The following TMEM135 variants were observed in gnomAD, a reference collection of about 807,000 sequenced individuals.
TMEM135 encodes the protein peroxisomal membrane protein 52.
In TMEM135, 30 loss-of-function variants were observed where a neutral mutation model predicts 60.3. The ratio of observed to expected loss-of-function variants is 0.50; its 90% CI spans 0.37 to 0.68. The LOEUF is 0.68. Among genes scored for constraint, TMEM135 ranks in the 30% least tolerant of loss-of-function variants. The probability of loss-of-function intolerance (pLI) is 0.00; values close to 1 mark genes in which losing one functional copy is unlikely to be tolerated. For missense variants in TMEM135, 468 were observed against 548.8 expected (o/e 0.85, Z 1.47); for synonymous variants, 190 against 186.7 (o/e 1.02, Z -0.14).
At chr11:87,288,867 G>C (rs1046776839) in intron 6 of TMEM135, among the ~76,000 whole-genome samples, 1 of 152,154 alleles carries the variant, frequency 6.6e-6, no homozygotes, top group Non-Finnish European at 1.5e-5. Context: ...GCACATGCCT[G>C]TGATCCCAGC....
chr11:87,325,569 C>T lies in TMEM135; in HGVS notation c.*4236C>T, dbSNP rs1015184987. On this transcript the variant is annotated 3_prime_UTR_variant, in exon 15 of 15. Transcript: ENST00000305494. The stretch of plus-strand genomic sequence containing the variant: ...TCCCTGCCACCTTGTCCATTCTCTG[C>T]TTGCTGGTGTTACTTTATGTTAACT... 4 of 453,790 alleles carry T rather than the reference C, an allele frequency of 8.8e-6. No individual in the cohort carries two copies. Among genetic ancestry groups the T allele is most frequent in the Admixed American group, 2.4e-5 (1 of 42,524 alleles). The allele number at this position is 453,790 out of a possible 1,614,324, so 28.1% of individuals were successfully genotyped here. A position where few individuals can be genotyped will look rare whatever the true frequency, so the allele number is the denominator to read the frequency against.
chr11:87,070,637 A>AAAC (rs143313442), intron 2 of TMEM135, among the ~76,000 whole-genome samples: 47,538 of 151,300 alleles, frequency 0.31, 8,659 homozygotes, highest in East Asian at 0.58. Flanking sequence ...CTCCATCTAA[A>AAAC]AACAACAACA....
rs1942857212 is a variant in TMEM135 at position 87,323,252 on chromosome 11, A to C, written c.*1919A>C. 1 of 453,498 alleles carries C rather than the reference A, an allele frequency of 2.2e-6. No individual in the cohort carries two copies. Among genetic ancestry groups the C allele is most frequent in the Non-Finnish European group, 4.4e-6 (1 of 226,558 alleles). 28.1% of individuals were successfully genotyped at this position (453,498 alleles called of 1,614,324 possible). A position where few individuals can be genotyped will look rare whatever the true frequency, so the allele number is the denominator to read the frequency against. ...TTATAAATTGCAGTCATTTTTTTAA[A>C]TTTTATGTAAAATGTAAAATGAAAT... On this transcript the variant is annotated 3_prime_UTR_variant, in exon 15 of 15. Transcript: ENST00000305494.
intron 5 of TMEM135, among the ~76,000 whole-genome samples, chr11:87,170,852 C>G (rs1197893387): frequency 6.6e-6 from 1 of 152,132 alleles, no homozygotes; most frequent in Non-Finnish European, 1.5e-5. Flanking sequence ...TCAGAGCTGG[C>G]AGGCAGGAAC....
intron 5 of TMEM135, among the ~76,000 whole-genome samples, chr11:87,235,027 G>C (rs1477940142): frequency 6.6e-6 from 1 of 151,770 alleles, no homozygotes; most frequent in Non-Finnish European, 1.5e-5. Context: ...TGAACATCTG[G>C]GAAGGATGAC....
At chr11:87,295,758 G>C in intron 6 of TMEM135, 24 bp from the exon 7 acceptor site, 1 of 1,580,558 alleles carries the variant, frequency 6.3e-7, no homozygotes, top group South Asian at 1.2e-5. Context: ...GTTATTTTAT[G>C]ATTGTAAATT....
Position 87,325,506 on chromosome 11 carries a change from C to T in TMEM135, c.*4173C>T, listed in dbSNP as rs1408381184. 2 of 428,064 alleles carry T rather than the reference C, an allele frequency of 4.7e-6. No homozygotes were observed. Among genetic ancestry groups the T allele is most frequent in the African/African-American group, 2.1e-5 (1 of 47,608 alleles). The allele number at this position is 428,064 out of a possible 1,614,324, so 26.5% of individuals were successfully genotyped here. The stretch of plus-strand genomic sequence containing the variant: ...TTATGTGGGCTCTCTCTCTCTCCCT[C>T]TCTCTCTCTCTCTGTCTGTCTCTCT... On this transcript the variant is annotated 3_prime_UTR_variant, in exon 15 of 15. Transcript: ENST00000305494.
chr11:87,140,106 C>T (rs192374178), intron 4 of TMEM135, among the ~76,000 whole-genome samples: 9 of 152,042 alleles, frequency 5.9e-5, no homozygotes, highest in Admixed American at 2.0e-4. Context: ...CTCACTCTGT[C>T]GCCCAGGCTG....
At chr11:87,295,644 C>G in intron 6 of TMEM135, 138 bp from the exon 7 acceptor site, 2 of 641,890 alleles carry the variant, frequency 3.1e-6, no homozygotes, top group South Asian at 2.1e-5. Flanking sequence ...TTGCTTGTTG[C>G]TCTTTTGACC....
chr11:87,109,391 A>G (rs755896339), intron 4 of TMEM135, among the ~76,000 whole-genome samples: 5 of 152,210 alleles, frequency 3.3e-5, no homozygotes, highest in Non-Finnish European at 5.9e-5. Flanking sequence ...AATAAAATAG[A>G]ACAATTATAA....
At chr11:87,136,753 A>G (rs1938112331) in intron 4 of TMEM135, among the ~76,000 whole-genome samples, 1 of 151,584 alleles carries the variant, frequency 6.6e-6, no homozygotes. Context: ...CAATTTGTCC[A>G]TTTTCCATTA....
chr11:87,044,896 C>T (rs1190826849), intron 1 of TMEM135, among the ~76,000 whole-genome samples: 2 of 152,070 alleles, frequency 1.3e-5, no homozygotes, highest in Non-Finnish European at 2.9e-5. Context: ...ATCCACCCAC[C>T]TCAGCCTCCC....
intron 14 of TMEM135, among the ~76,000 whole-genome samples, chr11:87,319,647 A>G (rs1324198786): frequency 6.6e-6 from 1 of 152,124 alleles, no homozygotes. Flanking sequence ...TGACTGTTTG[A>G]ATCACTGTCC....
At chr11:87,128,459 T>A (rs1937801972) in intron 4 of TMEM135, among the ~76,000 whole-genome samples, 1 of 152,172 alleles carries the variant, frequency 6.6e-6, no homozygotes, top group African/African-American at 2.4e-5. Context: ...CTCTTCCTAC[T>A]AAGAGAAGTT....
intron 4 of TMEM135, among the ~76,000 whole-genome samples, chr11:87,146,570 G>A (rs1012704572): frequency 2.0e-5 from 3 of 152,258 alleles, no homozygotes; most frequent in South Asian, 4.1e-4. Context: ...CATATTCACA[G>A]CTATGATTAG....
chr11:87,113,766 A>G (rs531091328), intron 4 of TMEM135, among the ~76,000 whole-genome samples: 15 of 152,128 alleles, frequency 9.9e-5, no homozygotes, highest in African/African-American at 2.9e-4. Context: ...GATTTTCCAG[A>G]CACTGTCTCT....
chr11:87,318,137 A>T lies in TMEM135; in HGVS notation c.1078A>T (p.Thr360Ser). 2 of 1,610,936 alleles carry T rather than the reference A, an allele frequency of 1.2e-6. No homozygotes were observed. Among genetic ancestry groups the T allele is most frequent in the Non-Finnish European group, 1.7e-6 (2 of 1,178,088 alleles). Residue 360 changes from threonine (T) to serine (S), a missense_variant and splice_region_variant, in exon 13 of 15, where the codon ACA becomes TCA. Thr to Ser is a moderately conservative substitution (Grantham distance 58, BLOSUM62 1). Coordinates refer to ENST00000305494, the MANE Select transcript of TMEM135 (RefSeq NM_022918.4). ...CTCTTGTCTTATGCTTGTTTTGCAG[A>T]CAATGTATTTCAAAGGCATTGAAGC... ...SMYLASKLVE[T>S]MYFKGIEAGK...
intron 5 of TMEM135, among the ~76,000 whole-genome samples, chr11:87,158,708 C>T (rs1203175631): frequency 6.6e-6 from 1 of 152,160 alleles, no homozygotes. Context: ...TCGTACTCCG[C>T]CCGTCTTGGC....
chr11:87,326,005 T>G lies in TMEM135; in HGVS notation c.*4672T>G, dbSNP rs1297320373. On this transcript the variant is annotated 3_prime_UTR_variant, in exon 15 of 15. Transcript: ENST00000305494. Reference sequence around the variant, plus strand: ...TATTACCACAGACACACATACCATCTGGTCACCAACAGGGACATCAGGGCC... The same window carrying G: ...TATTACCACAGACACACATACCATCGGGTCACCAACAGGGACATCAGGGCC... 1 of 453,914 alleles carries G rather than the reference T, an allele frequency of 2.2e-6. No homozygotes were observed. The highest frequency in any genetic ancestry group is 2.0e-5 in the African/African-American group (1 of 49,996). The allele number at this position is 453,914 out of a possible 1,614,324, so 28.1% of individuals were successfully genotyped here.
Sources: allele counts gnomAD v4.1 joint callset (sites outside exome capture counted in the v4.1 genomes callset), GRCh38; gene constraint gnomAD v4.1.1; transcripts MANE v1.5; gene names NCBI Gene and HGNC (gene_info 2026-07-23, HGNC 2026-07-21).